Variants in KIF14 observed in about 807,000 individuals in gnomAD.
KIF14 encodes the protein kinesin-like protein KIF14.
Under a neutral mutation model 176.2 loss-of-function variants are expected in KIF14, and 98 were observed. The observed-to-expected ratio is 0.56, with a 90% CI of 0.47 to 0.66. The LOEUF (loss-of-function observed/expected upper bound fraction) is 0.66. Ranked by LOEUF, KIF14 falls within the 30% of genes least tolerant of loss-of-function variation. The probability of loss-of-function intolerance (pLI) is 0.00; values close to 1 mark genes in which losing one functional copy is unlikely to be tolerated. For synonymous variants in KIF14, 566 were observed against 632.2 expected (o/e 0.90, Z 1.57); for missense variants, 1,751 against 1,920.4 (o/e 0.91, Z 1.65).
At chr1:200,594,189 C>A (rs1659204443) in intron 14 of KIF14, among the ~76,000 whole-genome samples, 1 of 151,640 alleles carries the variant, frequency 6.6e-6, no homozygotes, top group African/African-American at 2.4e-5. Context: ...CCTGCCTCGG[C>A]CTCCCAAAAT....
chr1:200,595,932 CAAA>C (rs35375679), intron 14 of KIF14, among the ~76,000 whole-genome samples: 7 of 52,236 alleles, frequency 1.3e-4, no homozygotes, highest in Admixed American at 2.2e-4. Flanking sequence ...ACTCCATCTC[CAAA>C]AAAAAAAAAA....
At chr1:200,598,555 A>T (rs951043577) in intron 13 of KIF14, 134 bp from the exon 14 acceptor site, 31 of 567,038 alleles carry the variant, frequency 5.5e-5, no homozygotes, top group African/African-American at 5.0e-4. Context: ...TTATTTATTT[A>T]TTTTTTTATT....
At chr1:200,572,319 T>C (rs1376842696) in intron 22 of KIF14, among the ~76,000 whole-genome samples, 1 of 152,228 alleles carries the variant, frequency 6.6e-6, no homozygotes, top group Admixed American at 6.5e-5. Flanking sequence ...GAAAATAAGA[T>C]GTAAATTACC....
intron 10 of KIF14, among the ~76,000 whole-genome samples, chr1:200,602,645 G>A (rs1659681720): frequency 6.6e-6 from 1 of 152,128 alleles, no homozygotes; most frequent in South Asian, 2.1e-4. Flanking sequence ...TTACCCTCAA[G>A]TAAAGATGCA....
intron 12 of KIF14, 90 bp downstream of exon 12, chr1:200,600,266 G>A: frequency 7.1e-7 from 1 of 1,400,214 alleles, no homozygotes. Flanking sequence ...AGGAAGGTCG[G>A]AAAAATACTC....
chr1:200,587,787 C>T (rs750552234), intron 18 of KIF14, among the ~76,000 whole-genome samples: 16 of 152,074 alleles, frequency 1.1e-4, no homozygotes, highest in Non-Finnish European at 2.2e-4. Context: ...CCAGCCTGGG[C>T]AACAAGAATG....
intron 26 of KIF14, among the ~76,000 whole-genome samples, chr1:200,560,246 T>C (rs1657061000): frequency 6.7e-6 from 1 of 149,704 alleles, no homozygotes; most frequent in Non-Finnish European, 1.5e-5. Flanking sequence ...TAATCCAATA[T>C]ATTTAAAAGT....
At chr1:200,572,493 CAA>C (rs1344462858) in intron 22 of KIF14, among the ~76,000 whole-genome samples, 1 of 151,994 alleles carries the variant, frequency 6.6e-6, no homozygotes, top group East Asian at 1.9e-4. Context: ...TACAGGCGCC[CAA>C]CACCACGCCC....
Position 200,585,652 on chromosome 1 carries a change from C to T in KIF14, c.3241+449G>A, listed in dbSNP as rs116462867. Among the ~76,000 whole-genome samples the T allele has an allele frequency of 2.7e-3, 418 of 152,208 alleles. 3 individuals carry two copies. Among genetic ancestry groups the T allele is most frequent in the African/African-American group, 9.7e-3 (401 of 41,520 alleles). On this transcript the variant is annotated intron_variant, in intron 19 of 29. Coordinates refer to ENST00000367350, the MANE Select transcript of KIF14 (RefSeq NM_014875.3). ...TGGAACTCTGAGATCAGGGTTCCAG[C>T]GTCGGTCAGGTTCTGGTGAGGGCCC...
rs753872967 is a variant in KIF14 at position 200,601,930 on chromosome 1, T to C, written c.2118A>G (p.Lys706=). ...ACTTAGCGTTCATATCTTCATTTAC[T>C]TTAGCAATGTTGACTATTAAACGGG... ...NQARLIVNIA[K]VNEDMNAKLI... Residue 706 remains lysine (K), a synonymous_variant, in exon 11 of 30, where the codon AAA becomes AAG. Transcript: ENST00000367350. 1 of 1,611,106 alleles carries C rather than the reference T, an allele frequency of 6.2e-7. No individual in the cohort carries two copies. The highest frequency in any genetic ancestry group is 8.5e-7 in the Non-Finnish European group (1 of 1,179,000).
At chr1:200,587,510 C>T (rs181991151) in intron 18 of KIF14, among the ~76,000 whole-genome samples, 1 of 151,978 alleles carries the variant, frequency 6.6e-6, no homozygotes, top group African/African-American at 2.4e-5. Context: ...GCATTATAAG[C>T]CCAATAATAA....
Position 200,619,374 on chromosome 1 carries a change from G to T in KIF14, c.-115-536C>A, listed in dbSNP as rs192834206. ...ATTTTTATAAAAATATTTTTTTTGA[G>T]ATGGAGTCTTGCTCTGTCACCAGGC... is the stretch of plus-strand genomic sequence containing the variant. On this transcript the variant is annotated intron_variant, in intron 1 of 29. Transcript: ENST00000367350. Among the ~76,000 whole-genome samples the T allele has an allele frequency of 4.7e-3, 707 of 151,102 alleles. 5 individuals are homozygous for T. Among genetic ancestry groups the T allele is most frequent in the Non-Finnish European group, 8.2e-3 (554 of 67,828 alleles).
Position 200,614,413 on chromosome 1 carries a change from ATACAT to A in KIF14, c.1368-13_1368-9del, listed in dbSNP as rs1660303644. On this transcript the variant is annotated splice_polypyrimidine_tract_variant and intron_variant, in intron 3 of 29. Transcript: ENST00000367350. ...TCACTAAATCCCATCATCCTGAAAA[ATACAT>A]TATGAATAAGGGGGAAATAAAACTA... The A allele has an allele frequency of 6.7e-7, 1 of 1,499,332 alleles. No homozygotes were observed. Among genetic ancestry groups the A allele is most frequent in the Admixed American group, 1.7e-5 (1 of 57,642 alleles). The allele number at this position is 1,499,332 out of a possible 1,614,324, so 92.9% of individuals were successfully genotyped here. A position where few individuals can be genotyped will look rare whatever the true frequency, so the allele number is the denominator to read the frequency against.
At chr1:200,608,503 T>C (rs1659996007) in intron 5 of KIF14, among the ~76,000 whole-genome samples, 1 of 151,890 alleles carries the variant, frequency 6.6e-6, no homozygotes. Flanking sequence ...GCTGGGACTA[T>C]AGGTGCAATC....
At chr1:200,561,427 T>C (rs1657148461) in intron 25 of KIF14, among the ~76,000 whole-genome samples, 1 of 151,746 alleles carries the variant, frequency 6.6e-6, no homozygotes. Flanking sequence ...TAGTCCCAGC[T>C]GCTCAGGAGG....
At chr1:200,556,874 A>G (rs1325130869) in intron 27 of KIF14, among the ~76,000 whole-genome samples, 1 of 152,234 alleles carries the variant, frequency 6.6e-6, no homozygotes, top group African/African-American at 2.4e-5. Flanking sequence ...ACAGCCCAAT[A>G]TATCCCTTTC....
chr1:200,602,114 T>C, intron 10 of KIF14, 46 bp from the exon 11 acceptor site: 10 of 1,509,914 alleles, frequency 6.6e-6, no homozygotes, highest in Non-Finnish European at 9.1e-6. Context: ...AACAACTTAA[T>C]AACAGTAATT....
At chr1:200,570,869 C>A (rs1008163027) in intron 22 of KIF14, among the ~76,000 whole-genome samples, 1 of 151,996 alleles carries the variant, frequency 6.6e-6, no homozygotes, top group Non-Finnish European at 1.5e-5. Context: ...AGGCATAATA[C>A]CTGATGGTAT....
chr1:200,602,707 A>G (rs893009728), intron 10 of KIF14, among the ~76,000 whole-genome samples: 1 of 152,208 alleles, frequency 6.6e-6, no homozygotes, highest in South Asian at 2.1e-4. Flanking sequence ...TATTAAATCC[A>G]TACAGATGTA....
Sources: allele counts gnomAD v4.1 joint callset (sites outside exome capture counted in the v4.1 genomes callset), GRCh38; gene constraint gnomAD v4.1.1; transcripts MANE v1.5; gene names NCBI Gene and HGNC (gene_info 2026-07-23, HGNC 2026-07-21).